The following PRKCI variants were observed in gnomAD, a reference collection of about 807,000 sequenced individuals.
PRKCI encodes the protein protein kinase C iota.
Under a neutral mutation model 84.0 loss-of-function variants are expected in PRKCI, and 43 were observed. The ratio of observed to expected loss-of-function variants is 0.51; its 90% CI spans 0.40 to 0.66. PRKCI has a LOEUF of 0.66. Ranked by LOEUF, PRKCI falls within the 30% of genes least tolerant of loss-of-function variation. The pLI, the probability that PRKCI is intolerant of heterozygous loss-of-function variation, is 0.00. For missense variants in PRKCI, 459 were observed against 745.6 expected (o/e 0.62, Z 4.48); for synonymous variants, 216 against 234.4 (o/e 0.92, Z 0.72).
Position 170,291,960 on chromosome 3 carries a change from G to T in PRKCI, c.1291+19G>T. 1.3e-6 allele frequency: 2 copies of T among 1,539,434 alleles called. No homozygotes were observed. The highest frequency in any genetic ancestry group is 1.8e-6 in the Non-Finnish European group (2 of 1,112,600). ...GATTATGGTAATAAATAAATTGGTGGTATTATTTTAGCTATTGCTAGATGG... is the reference window on the plus strand; with the variant it reads ...GATTATGGTAATAAATAAATTGGTGTTATTATTTTAGCTATTGCTAGATGG... On this transcript the variant is annotated intron_variant, in intron 13 of 17. Coordinates refer to ENST00000295797, the MANE Select transcript of PRKCI (RefSeq NM_002740.6).
chr3:170,240,217 A>G (rs76520505), intron 2 of PRKCI, among the ~76,000 whole-genome samples: 3,197 of 152,314 alleles, frequency 0.021, 53 homozygotes, highest in East Asian at 0.085. Context: ...GAGGCTAGCA[A>G]CAAGCCTTTC....
Position 170,280,249 on chromosome 3 carries a change from G to A in PRKCI, c.728G>A (p.Gly243Asp), listed in dbSNP as rs200726509. The change falls in exon 9 of 18, where the codon GGC (glycine) becomes GAC (aspartate). Residue 243 changes from glycine (G) to aspartate (D), a missense_variant. Physicochemically the swap from Gly to Asp is moderately conservative, Grantham distance 94. Around this residue, in one of 2 missense-constraint regions of PRKCI, gnomAD observed 250 missense variants for 319.7 expected, o/e 0.78. Coordinates refer to ENST00000295797, the MANE Select transcript of PRKCI (RefSeq NM_002740.6). The stretch of plus-strand genomic sequence containing the variant: ...CAGGCAATGAACACCAGGGAAAGTG[G>A]CAAAGCTTCATCCAGTCTAGGTCTT... Reference protein sequence around the residue: ...EKEAMNTRESGKASSSLGLQD... With the variant: ...EKEAMNTRESDKASSSLGLQD... The A allele has an allele frequency of 1.4e-4, 226 of 1,610,802 alleles. No homozygotes were observed. The highest frequency in any genetic ancestry group is 2.1e-4 in the Middle Eastern group (1 of 4,806).
intron 14 of PRKCI, among the ~76,000 whole-genome samples, chr3:170,294,976 G>T (rs1055601448): frequency 6.7e-6 from 1 of 150,162 alleles, no homozygotes. Context: ...TTGGGAGGCC[G>T]AGATGGGCGG....
intron 8 of PRKCI, among the ~76,000 whole-genome samples, chr3:170,277,553 G>C (rs1734145493): frequency 6.6e-6 from 1 of 152,080 alleles, no homozygotes; most frequent in African/African-American, 2.4e-5. Flanking sequence ...AATTAGCCAG[G>C]CTCGGTGGCA....
intron 2 of PRKCI, among the ~76,000 whole-genome samples, chr3:170,241,043 TC>T (rs1733118006): frequency 6.6e-6 from 1 of 152,162 alleles, no homozygotes; most frequent in South Asian, 2.1e-4. Flanking sequence ...AGTTTTCAGT[TC>T]TTTTTTTTAA....
At chr3:170,253,283 T>A (rs1733499181) in intron 2 of PRKCI, among the ~76,000 whole-genome samples, 3 of 152,238 alleles carry the variant, frequency 2.0e-5, no homozygotes, top group Admixed American at 2.0e-4. Flanking sequence ...CCATAGTGAC[T>A]GTACTAAAGT....
intron 1 of PRKCI, among the ~76,000 whole-genome samples, chr3:170,226,171 C>A (rs1213668536): frequency 6.6e-6 from 1 of 152,166 alleles, no homozygotes; most frequent in Admixed American, 6.5e-5. Context: ...CCTCGGTCTC[C>A]CAAAGTGTTG....
chr3:170,275,955 T>C (rs1193295976), intron 8 of PRKCI, among the ~76,000 whole-genome samples: 2 of 148,094 alleles, frequency 1.4e-5, no homozygotes, highest in African/African-American at 2.5e-5. Flanking sequence ...TTTTTTTGAG[T>C]TGGGGTCTTG....
At chr3:170,284,397 C>T in intron 11 of PRKCI, 64 bp from the exon 12 acceptor site, 6 of 1,325,318 alleles carry the variant, frequency 4.5e-6, no homozygotes, top group Non-Finnish European at 5.1e-6. Context: ...TTTTGTGTTT[C>T]CAGTTGTAAA....
chr3:170,270,009 T>C (rs1211626694), intron 5 of PRKCI, among the ~76,000 whole-genome samples: 4 of 151,812 alleles, frequency 2.6e-5, no homozygotes, highest in Non-Finnish European at 1.5e-5. Context: ...AAATGAGAAG[T>C]CACTTTAGGT....
Position 170,270,571 on chromosome 3 carries a change from C to G in PRKCI, c.591+10C>G, listed in dbSNP as rs760654700. ...GCATTCTTTGCCACAGGTAAGATGT[C>G]TGTCCTTTTTTTTTTTTTTTTTTTT... On this transcript the variant is annotated intron_variant, in intron 6 of 17. Coordinates refer to ENST00000295797, the MANE Select transcript of PRKCI (RefSeq NM_002740.6). 7 of 1,507,544 alleles carry G rather than the reference C, an allele frequency of 4.6e-6. No individual in the cohort carries two copies. Among genetic ancestry groups the G allele is most frequent in the Non-Finnish European group, 5.3e-6 (6 of 1,135,872 alleles). The allele number at this position is 1,507,544 out of a possible 1,614,324, so 93.4% of individuals were successfully genotyped here.
At chr3:170,301,687 C>G (rs937732941) in intron 17 of PRKCI, among the ~76,000 whole-genome samples, 1 of 152,134 alleles carries the variant, frequency 6.6e-6, no homozygotes, top group African/African-American at 2.4e-5. Context: ...CTTTTCTCTT[C>G]CCGTTGACAC....
chr3:170,271,664 GGTTAT>G (rs1734009536), intron 6 of PRKCI, among the ~76,000 whole-genome samples: 1 of 151,980 alleles, frequency 6.6e-6, no homozygotes, highest in Admixed American at 6.6e-5. Flanking sequence ...ACTTCTCCAT[GGTTAT>G]GTTCAGTATG....
intron 11 of PRKCI, 96 bp downstream of exon 11, chr3:170,282,064 G>C: frequency 7.9e-7 from 1 of 1,265,240 alleles, no homozygotes; most frequent in African/African-American, 1.5e-5. Flanking sequence ...AATTTATTTT[G>C]ATACTAGTTA....
chr3:170,275,305 A>T lies in PRKCI; in HGVS notation c.705+18A>T. 6.3e-7 allele frequency: 1 copy of T among 1,587,798 alleles called. No homozygotes were observed. Among genetic ancestry groups the T allele is most frequent in the Non-Finnish European group, 8.5e-7 (1 of 1,170,044 alleles). On this transcript the variant is annotated intron_variant, in intron 8 of 17. Transcript: ENST00000295797. ...AAAAAGAGGTAAGATAATTTGTCTT[A>T]TTGTACATTATATCATTAGCTTTTT... is the stretch of plus-strand genomic sequence containing the variant.
intron 2 of PRKCI, among the ~76,000 whole-genome samples, chr3:170,249,144 G>T (rs1010758691): frequency 6.6e-6 from 1 of 151,956 alleles, no homozygotes; most frequent in Non-Finnish European, 1.5e-5. Context: ...TACCGCGCCC[G>T]GCCAGAATTG....
intron 14 of PRKCI, 37 bp from the exon 15 acceptor site, chr3:170,295,874 A>G: frequency 7.9e-7 from 1 of 1,273,480 alleles, no homozygotes; most frequent in Admixed American, 2.1e-5. Flanking sequence ...AAGCCATGTA[A>G]AAGTTAAATA....
chr3:170,269,320 C>G (rs2108853099), intron 5 of PRKCI, among the ~76,000 whole-genome samples: 1 of 152,298 alleles, frequency 6.6e-6, no homozygotes, highest in East Asian at 1.9e-4. Context: ...AAACCACCAC[C>G]CGAAATCCCT....
intron 3 of PRKCI, 89 bp downstream of exon 3, chr3:170,260,147 A>G: frequency 1.2e-6 from 1 of 857,742 alleles, no homozygotes; most frequent in South Asian, 1.8e-5. Flanking sequence ...CATAATCTTA[A>G]TGTCATTTTC....
Sources: gnomAD v4.1 joint callset for allele counts (sites outside exome capture counted in the v4.1 genomes callset) on GRCh38, gnomAD v4.1.1 for gene constraint, gnomAD v4.1.1 regional missense constraint, MANE v1.5 for transcripts, NCBI Gene and HGNC (gene_info 2026-07-23, HGNC 2026-07-21) for gene names.